The following PAQR3 variants were observed in gnomAD, a reference collection of about 807,000 sequenced individuals.
PAQR3 encodes the protein Raf kinase trapping to Golgi.
A neutral mutation model predicts 41.7 loss-of-function variants in PAQR3; 39 were observed. The observed-to-expected ratio is 0.93, with a 90% confidence interval of 0.72 to 1.22. PAQR3 has a LOEUF of 1.22. PAQR3 is among the 50% of genes most tolerant of loss of function. The pLI is 0.00. For missense variants in PAQR3, 366 were observed against 385.6 expected (o/e 0.95, Z 0.42); for synonymous variants, 140 against 140.6 (o/e 1.00, Z 0.03).
At chr4:78,907,361 T>G (rs1405235788), downstream of PAQR3, among the ~76,000 whole-genome samples, 1 of 152,174 alleles carries the variant, frequency 6.6e-6, no homozygotes, top group African/African-American at 2.4e-5. Flanking sequence ...ATGAAAACAG[T>G]AAATTTTAAG....
At chr4:78,892,295 A>C (rs1003644841) in intron 11 of PAQR3, among the ~76,000 whole-genome samples, 9 of 152,170 alleles carry the variant, frequency 5.9e-5, no homozygotes, top group African/African-American at 1.7e-4. Context: ...CAGTTTTCTT[A>C]CATTGTAAAT....
At chr4:78,910,718 G>T (rs765655218), downstream of PAQR3, 1 of 1,613,512 alleles carries the variant, frequency 6.2e-7, no homozygotes, top group Non-Finnish European at 8.5e-7. Flanking sequence ...CAGCGGACTG[G>T]AAAGAAAACC....
Position 78,919,134 on chromosome 4 carries a change from T to A in PAQR3, c.*1405A>T. On this transcript the variant is annotated 3_prime_UTR_variant, in exon 6 of 6. Coordinates refer to ENST00000512733, the MANE Select transcript of PAQR3 (RefSeq NM_001040202.2). ...TTACTGATGTATTAACTGAGGCACA[T>A]TAGTGACTTTCCAAGTATCATATGC... 2 of 985,070 alleles carry A rather than the reference T, an allele frequency of 2.0e-6. No individual in the cohort carries two copies. The highest frequency in any genetic ancestry group is 2.4e-6 in the Non-Finnish European group (2 of 829,748). 61.0% of individuals were successfully genotyped at this position (985,070 alleles called of 1,614,324 possible). A position where few individuals can be genotyped will look rare whatever the true frequency, so the allele number is the denominator to read the frequency against.
chr4:78,898,225 C>T (rs1036106984), intron 11 of PAQR3, among the ~76,000 whole-genome samples: 2 of 152,148 alleles, frequency 1.3e-5, no homozygotes, highest in African/African-American at 2.4e-5. Context: ...TAGACCCACC[C>T]TGTGGGCTTT....
chr4:78,899,085 C>G (rs994663005), intron 11 of PAQR3: 1 of 152,178 alleles, frequency 6.6e-6, no homozygotes, highest in Non-Finnish European at 1.5e-5. Context: ...CGGTGCTGAT[C>G]AGTAGTGGGA....
chr4:78,922,068 C>T, intron 5 of PAQR3: 1 of 1,033,072 alleles, frequency 9.7e-7, no homozygotes, highest in East Asian at 7.9e-5. Flanking sequence ...TAGTGTTCTA[C>T]TTGTCTTGCT....
At position 78,913,729 on chromosome 4, in the gene PAQR3, C is replaced by CTT. The variant is rs747747535; in HGVS notation, c.*6808_*6809dup. 2.0e-5 allele frequency: 3 copies of CTT among 152,022 alleles called. No homozygotes were observed. The highest frequency in any genetic ancestry group is 2.9e-5 in the Non-Finnish European group (2 of 67,956). 9.4% of individuals were successfully genotyped at this position (152,022 alleles called of 1,614,324 possible). On this transcript the variant is annotated 3_prime_UTR_variant, in exon 6 of 6. Coordinates refer to ENST00000512733, the MANE Select transcript of PAQR3 (RefSeq NM_001040202.2). Reference sequence around the variant, plus strand: ...ATATGTAACTAAACCACATATTTGTCTTTTTATTGCTTTTTCCCTTCTTTT... The same window carrying CTT: ...ATATGTAACTAAACCACATATTTGTCTTTTTTTATTGCTTTTTCCCTTCTTTT...
At chr4:78,911,421 C>G, downstream of PAQR3, 1 of 1,614,004 alleles carries the variant, frequency 6.2e-7, no homozygotes, top group Non-Finnish European at 8.5e-7. Flanking sequence ...GGCTTGTGCC[C>G]TTTGATGAAA....
At position 78,917,889 on chromosome 4, in the gene PAQR3, T is replaced by C. The variant is rs1280203567; in HGVS notation, c.*2650A>G. 2.8e-5 allele frequency: 28 copies of C among 984,960 alleles called. No individual in the cohort carries two copies. Among genetic ancestry groups the C allele is most frequent in the Non-Finnish European group, 1.4e-5 (12 of 829,308 alleles). The allele number at this position is 984,960 out of a possible 1,614,324, so 61.0% of individuals were successfully genotyped here. ...AATCTTCGTTCCTGATTCTAAAATA[T>C]GATTTTAAAGCTGTTATGTATTACA... On this transcript the variant is annotated 3_prime_UTR_variant, in exon 6 of 6. Transcript: ENST00000512733.
intron 11 of PAQR3, among the ~76,000 whole-genome samples, chr4:78,893,688 A>G (rs1251966235): frequency 2.0e-5 from 3 of 152,154 alleles, no homozygotes; most frequent in East Asian, 3.9e-4. Flanking sequence ...TCAGCATCCC[A>G]TGTAGCTGGG....
At chr4:78,931,171 G>A (rs10023100) in intron 2 of PAQR3, among the ~76,000 whole-genome samples, 95,058 of 135,550 alleles carry the variant, frequency 0.7, 34,716 homozygotes, top group Non-Finnish European at 0.81. Context: ...GCAACATAGG[G>A]AGACCTCATT....
chr4:78,907,882 G>T (rs2110104903), downstream of PAQR3, among the ~76,000 whole-genome samples: 1 of 152,242 alleles, frequency 6.6e-6, no homozygotes, highest in African/African-American at 2.4e-5. Flanking sequence ...CTGTGGGTGG[G>T]TATGCAGCTC....
In PAQR3 at chr4:78,918,066, G is replaced by GATA; in HGVS notation, c.*2470_*2472dup. 1 of 978,264 alleles carries GATA rather than the reference G, an allele frequency of 1.0e-6. No homozygotes were observed. The highest frequency in any genetic ancestry group is 1.2e-6 in the Non-Finnish European group (1 of 823,256). The allele number at this position is 978,264 out of a possible 1,614,324, so 60.6% of individuals were successfully genotyped here. Reference sequence around the variant, plus strand: ...ATTTGAAAATGGCTTAATATAGAAAGATAATTGTTTCTTAAATGAGTTAAC... The same window carrying GATA: ...ATTTGAAAATGGCTTAATATAGAAAGATAATAATTGTTTCTTAAATGAGTTAAC... On this transcript the variant is annotated 3_prime_UTR_variant, in exon 6 of 6. Transcript: ENST00000512733.
intron 5 of PAQR3, chr4:78,922,767 A>C (rs918684951): frequency 2.7e-6 from 1 of 375,052 alleles, no homozygotes; most frequent in African/African-American, 2.1e-5. Context: ...CCTGGGGGGA[A>C]AAAAAAGTAT....
At chr4:78,911,159 C>T, downstream of PAQR3, 1 of 1,613,806 alleles carries the variant, frequency 6.2e-7, no homozygotes, top group Non-Finnish European at 8.5e-7. Flanking sequence ...GCTCAACAGC[C>T]CCAGCAAGAA....
downstream of PAQR3, chr4:78,911,202 T>C: frequency 6.2e-7 from 1 of 1,613,796 alleles, no homozygotes; most frequent in Non-Finnish European, 8.5e-7. Flanking sequence ...AACACAGGTT[T>C]CCTGCTGCAG....
chr4:78,887,337 A>G, intron 12 of PAQR3: 3 of 1,300,120 alleles, frequency 2.3e-6, no homozygotes, highest in Middle Eastern at 1.8e-4. Flanking sequence ...CACAAGAACA[A>G]CAGCAAAATC....
In PAQR3 at chr4:78,939,183, C is replaced by G. The variant is rs199670616; in HGVS notation, c.42G>C (p.Leu14=). The change falls in exon 1 of 6, where the codon CTG becomes CTC. Residue 14 remains leucine (L), a synonymous_variant. Coordinates refer to ENST00000512733, the MANE Select transcript of PAQR3 (RefSeq NM_001040202.2). ...KLLKSAHYIE[L]GSYQYWPVLV... ...GGACCGGCCAGTACTGGTAGCTGCC[C>G]AGCTCGATGTAATGCGCGCTCTTCA... The G allele has an allele frequency of 3.9e-5, 63 of 1,610,504 alleles. No homozygotes were observed. The Middle Eastern group carries it at 9.9e-4, about 25-fold the overall frequency.
At chr4:78,910,533 A>G, downstream of PAQR3, 1 of 1,170,526 alleles carries the variant, frequency 8.5e-7, no homozygotes, top group Non-Finnish European at 1.2e-6. Flanking sequence ...TGCCATGTGT[A>G]ATACATATTA....
Sources: gnomAD v4.1 joint callset for allele counts (sites outside exome capture counted in the v4.1 genomes callset) on GRCh38, gnomAD v4.1.1 for gene constraint, MANE v1.5 for transcripts, NCBI Gene and HGNC (gene_info 2026-07-23, HGNC 2026-07-21) for gene names.